SAMSN1: variants seen among roughly 807,000 people sequenced by gnomAD.
SAMSN1 encodes SAM domain, SH3 domain and nuclear localization signals 1.
A neutral mutation model predicts 42.0 loss-of-function variants in SAMSN1; 31 were observed. That is an observed-to-expected ratio of 0.74 (90% CI 0.55 to 1.00). The LOEUF (loss-of-function observed/expected upper bound fraction) is 1.00, where lower values mean the gene tolerates loss of function less well. SAMSN1 is among the 50% of genes least tolerant of loss of function. The probability of loss-of-function intolerance (pLI) is 0.00; values close to 1 mark genes in which losing one functional copy is unlikely to be tolerated. For missense variants in SAMSN1, 464 were observed against 439.4 expected, an observed-to-expected ratio of 1.06 and a Z score of -0.50; for synonymous variants, 178 against 151.9, an observed-to-expected ratio of 1.17 and a Z score of -1.26.
At position 14,618,709 on chromosome 21, in the gene SAMSN1, C is replaced by CGT. The variant is rs140423899; in HGVS notation, c.157-2695_157-2694dup. On this transcript the variant is annotated intron_variant, in intron 2 of 15. Transcript: ENST00000647101. ...GTGTGTGTGCGCGCGCGCGCACGCG[C>CGT]GTGTGTGTGTGTGTGTGTTCTACTC... Among the ~76,000 whole-genome samples, 719 of 144,978 alleles carry CGT rather than the reference C, an allele frequency of 5.0e-3. 7 individuals carry two copies. The highest frequency in any genetic ancestry group is 6.1e-3 in the African/African-American group (246 of 40,012).
chr21:14,516,465 C>T (rs1296657638), intron 3 of SAMSN1, among the ~76,000 whole-genome samples: 1 of 152,074 alleles, frequency 6.6e-6, no homozygotes, highest in Non-Finnish European at 1.5e-5. Flanking sequence ...AATCAGGGCT[C>T]ACTGGAACCC....
chr21:14,488,722 T>G (rs1986548035), intron 7 of SAMSN1, among the ~76,000 whole-genome samples: 1 of 152,210 alleles, frequency 6.6e-6, no homozygotes, highest in African/African-American at 2.4e-5. Flanking sequence ...GCAATTTTTA[T>G]GGAAAAAGAA....
intron 2 of SAMSN1, among the ~76,000 whole-genome samples, chr21:14,519,416 T>C (rs545683720): frequency 2.0e-5 from 3 of 152,238 alleles, no homozygotes; most frequent in South Asian, 4.1e-4. Flanking sequence ...GTAGAATATA[T>C]GTATGATTGT....
At chr21:14,649,784 C>CACACACAT (rs1983799166) in intron 1 of SAMSN1, among the ~76,000 whole-genome samples, 1 of 30,652 alleles carries the variant, frequency 3.3e-5, no homozygotes, top group Non-Finnish European at 1.1e-4. Flanking sequence ...CACACACACA[C>CACACACAT]ACACACACAC....
chr21:14,575,723 C>T (rs915267854), intron 2 of SAMSN1, among the ~76,000 whole-genome samples: 2 of 152,124 alleles, frequency 1.3e-5, no homozygotes, highest in African/African-American at 4.8e-5. Context: ...TACTACTCAC[C>T]ACAAATGGGA....
chr21:14,579,779 G>T (rs1256378890), intron 2 of SAMSN1, among the ~76,000 whole-genome samples: 5 of 151,662 alleles, frequency 3.3e-5, no homozygotes, highest in Non-Finnish European at 7.4e-5. Flanking sequence ...ACCACACCTG[G>T]CCACTTCTTC....
rs774560997 is a variant in SAMSN1, at chr21:14,510,392, T to C, written c.479A>G (p.Tyr160Cys). The C allele has an allele frequency of 6.2e-7, 1 of 1,614,164 alleles. No individual in the cohort carries two copies. The highest frequency in any genetic ancestry group is 1.7e-5 in the Admixed American group (1 of 60,016). ...DSFRLDDDGPYSGPFCGRARV... is the reference protein window; with the variant it reads ...DSFRLDDDGPCSGPFCGRARV... ...GGCACGGCCACAGAATGGTCCTGAA[T>C]AGGGGCCATCGTCATCCAGTCGAAA... The change falls in exon 5 of 8, where the codon TAT becomes TGT. Residue 160 changes from tyrosine to cysteine, a missense_variant. Transcript: ENST00000400566.
intron 1 of SAMSN1, among the ~76,000 whole-genome samples, chr21:14,545,827 T>G (rs1332469100): frequency 6.6e-6 from 1 of 152,196 alleles, no homozygotes; most frequent in Non-Finnish European, 1.5e-5. Flanking sequence ...ACTTAAGAGA[T>G]AAAATTCATT....
At chr21:14,559,596 T>C (rs1315090841) in intron 2 of SAMSN1, among the ~76,000 whole-genome samples, 1 of 152,148 alleles carries the variant, frequency 6.6e-6, no homozygotes, top group Non-Finnish European at 1.5e-5. Context: ...ATTGAACTCA[T>C]GGGCTCCAGA....
At chr21:14,557,540 A>C (rs375940007) in intron 2 of SAMSN1, among the ~76,000 whole-genome samples, 21 of 152,204 alleles carry the variant, frequency 1.4e-4, no homozygotes, top group South Asian at 6.2e-4. Context: ...TGCTCTTTTT[A>C]CCTGGTGTTT....
At chr21:14,620,490 T>C (rs909191291) in intron 2 of SAMSN1, among the ~76,000 whole-genome samples, 1 of 152,352 alleles carries the variant, frequency 6.6e-6, no homozygotes, top group Middle Eastern at 3.4e-3. Flanking sequence ...TAAACCTCTT[T>C]CCTTTATAGA....
chr21:14,656,067 G>T (rs979336614), intron 1 of SAMSN1, among the ~76,000 whole-genome samples: 1 of 151,706 alleles, frequency 6.6e-6, no homozygotes. Context: ...GGCTATGAAA[G>T]AATTGAATAA....
upstream of SAMSN1, among the ~76,000 whole-genome samples, chr21:14,548,966 A>G (rs1446569303): frequency 6.6e-6 from 1 of 152,176 alleles, no homozygotes; most frequent in Non-Finnish European, 1.5e-5. Flanking sequence ...GCAAAAGCAC[A>G]GTCTTGGTGC....
At position 14,485,792 on chromosome 21, in the gene SAMSN1, C is replaced by A. The variant is rs1986407117; in HGVS notation, c.*120G>T. 2 of 754,012 alleles carry A rather than the reference C, an allele frequency of 2.7e-6. No homozygotes were observed. Among genetic ancestry groups the A allele is most frequent in the Admixed American group, 2.2e-5 (1 of 45,028 alleles). 46.7% of individuals were successfully genotyped at this position (754,012 alleles called of 1,614,324 possible). ...TTATGTACAATTATTCAGATTAAAA[C>A]ATTTAAACTTTAGGTTTTATTTACA... On this transcript the variant is annotated 3_prime_UTR_variant, in exon 8 of 8. Coordinates refer to ENST00000400566, the MANE Select transcript of SAMSN1 (RefSeq NM_022136.5).
At chr21:14,584,672 G>T (rs572500013), upstream of SAMSN1, among the ~76,000 whole-genome samples, 32 of 152,166 alleles carry the variant, frequency 2.1e-4, no homozygotes, top group Non-Finnish European at 3.4e-4. Context: ...TTTTCATCCA[G>T]AAAGTTCTAG....
chr21:14,656,022 A>G (rs993042478), intron 1 of SAMSN1, among the ~76,000 whole-genome samples: 3 of 151,834 alleles, frequency 2.0e-5, no homozygotes, highest in Non-Finnish European at 4.4e-5. Flanking sequence ...AAGGTAAGCA[A>G]GATATCATAG....
At chr21:14,621,894 C>G (rs1413328847) in intron 2 of SAMSN1, among the ~76,000 whole-genome samples, 1 of 152,162 alleles carries the variant, frequency 6.6e-6, no homozygotes, top group African/African-American at 2.4e-5. Context: ...AGACTGACAC[C>G]CCACATGGCT....
chr21:14,611,665 G>A (rs1183855387), intron 4 of SAMSN1, among the ~76,000 whole-genome samples: 1 of 152,172 alleles, frequency 6.6e-6, no homozygotes, highest in Non-Finnish European at 1.5e-5. Flanking sequence ...AATTAGGGCT[G>A]ATATTCAAAA....
At chr21:14,647,457 T>C (rs1166828540) in intron 1 of SAMSN1, among the ~76,000 whole-genome samples, 2 of 148,538 alleles carry the variant, frequency 1.3e-5, no homozygotes, top group Non-Finnish European at 3.0e-5. Flanking sequence ...TAGGATTGAC[T>C]TGGCAATGTG....
Sources: allele counts gnomAD v4.1 joint callset (sites outside exome capture counted in the v4.1 genomes callset), GRCh38; gene constraint gnomAD v4.1.1; transcripts MANE v1.5; gene names NCBI Gene and HGNC (gene_info 2026-07-23, HGNC 2026-07-21).